Variants in CDK6 observed in about 807,000 individuals in gnomAD.
The protein encoded by CDK6 is cyclin dependent kinase 6.
CDK6 carries 6 observed loss-of-function variants against 37.1 expected under a neutral mutation model. The observed-to-expected ratio is 0.16, with a 90% confidence interval of 0.09 to 0.32. The LOEUF is 0.32. Among genes scored for constraint, CDK6 ranks in the 10% least tolerant of loss-of-function variants. The pLI, the probability that CDK6 is intolerant of heterozygous loss-of-function variation, is 1.00. For synonymous variants in CDK6, 160 were observed against 161.3 expected (o/e 0.99, Z 0.06); for missense variants, 224 against 418.9 (o/e 0.53, Z 4.06).
chr7:92,791,338 A>G (rs1192714189), intron 2 of CDK6, among the ~76,000 whole-genome samples: 16 of 152,218 alleles, frequency 1.1e-4, no homozygotes, highest in Admixed American at 1.0e-3. Flanking sequence ...GAACATTGCC[A>G]ACTAAAGACA....
At chr7:92,796,730 G>A (rs917664807) in intron 2 of CDK6, among the ~76,000 whole-genome samples, 1 of 151,944 alleles carries the variant, frequency 6.6e-6, no homozygotes, top group African/African-American at 2.4e-5. Context: ...TAATCATAGA[G>A]GTAAATAAAC....
intron 4 of CDK6, among the ~76,000 whole-genome samples, chr7:92,707,543 T>C (rs1207941311): frequency 6.6e-6 from 1 of 152,150 alleles, no homozygotes; most frequent in Non-Finnish European, 1.5e-5. Flanking sequence ...TCAGAAACAA[T>C]GTTGCCAAGA....
chr7:92,654,106 T>C (rs1796636514), intron 5 of CDK6, among the ~76,000 whole-genome samples: 1 of 152,176 alleles, frequency 6.6e-6, no homozygotes, highest in South Asian at 2.1e-4. Flanking sequence ...AACTGTGCTA[T>C]ATACTCAGTT....
chr7:92,771,096 C>T (rs1021145447), intron 3 of CDK6, among the ~76,000 whole-genome samples: 2 of 151,338 alleles, frequency 1.3e-5, no homozygotes, highest in African/African-American at 2.4e-5. Flanking sequence ...ATTAGCCATG[C>T]GTGGTGGCCC....
chr7:92,791,791 A>G (rs1457269291), intron 2 of CDK6, among the ~76,000 whole-genome samples: 1 of 152,126 alleles, frequency 6.6e-6, no homozygotes, highest in East Asian at 1.9e-4. Flanking sequence ...GGCAGAAGGA[A>G]CAGCATGTCC....
Position 92,613,904 on chromosome 7 carries a change from G to A in CDK6, c.*1236C>T, listed in dbSNP as rs142806496. ...AGGCCATAAACCATAAGCTGAGACT[G>A]CGAATTTATGAAAGGTTCATTGAAA... On this transcript the variant is annotated 3_prime_UTR_variant, in exon 8 of 8. Transcript: ENST00000424848. 1.7e-5 allele frequency: 4 copies of A among 233,168 alleles called. No individual in the cohort carries two copies. In the East Asian group the frequency reaches 2.4e-4, roughly 14 times the overall value. 14.4% of individuals were successfully genotyped at this position (233,168 alleles called of 1,614,324 possible).
At chr7:92,808,937 C>T (rs1244585695) in intron 2 of CDK6, among the ~76,000 whole-genome samples, 1 of 151,994 alleles carries the variant, frequency 6.6e-6, no homozygotes, top group Non-Finnish European at 1.5e-5. Flanking sequence ...TTTACTTTTG[C>T]TTATTTGGAA....
chr7:92,789,450 A>G (rs781691385), intron 2 of CDK6, among the ~76,000 whole-genome samples: 1 of 152,222 alleles, frequency 6.6e-6, no homozygotes, highest in Non-Finnish European at 1.5e-5. Flanking sequence ...CAGTAATTAT[A>G]AGTCTACGTT....
intron 4 of CDK6, among the ~76,000 whole-genome samples, chr7:92,724,844 T>C (rs1562947737): frequency 6.6e-6 from 1 of 152,110 alleles, no homozygotes; most frequent in African/African-American, 2.4e-5. Flanking sequence ...ATGAATTTAC[T>C]GTATGCAAAA....
intron 2 of CDK6, among the ~76,000 whole-genome samples, chr7:92,805,670 C>T (rs1410836383): frequency 6.6e-6 from 1 of 152,114 alleles, no homozygotes; most frequent in East Asian, 1.9e-4. Flanking sequence ...AACTTCGAAA[C>T]GATTTAAGAA....
At chr7:92,733,219 T>C (rs1798694798) in intron 3 of CDK6, among the ~76,000 whole-genome samples, 1 of 152,162 alleles carries the variant, frequency 6.6e-6, no homozygotes, top group African/African-American at 2.4e-5. Flanking sequence ...GTGGTTATCC[T>C]TTTCTCTTTG....
In CDK6 at chr7:92,611,301, T is replaced by C. The variant is rs557540787; in HGVS notation, c.*3839A>G. 4.5e-6 allele frequency: 1 copy of C among 224,478 alleles called. No individual in the cohort carries two copies. Among genetic ancestry groups the C allele is most frequent in the Non-Finnish European group, 8.8e-6 (1 of 113,432 alleles). The allele number at this position is 224,478 out of a possible 1,614,324, so 13.9% of individuals were successfully genotyped here. On this transcript the variant is annotated 3_prime_UTR_variant, in exon 8 of 8. Coordinates refer to ENST00000424848, the MANE Select transcript of CDK6 (RefSeq NM_001145306.2). The stretch of plus-strand genomic sequence containing the variant: ...TTTTCTTTCCAGGGTAAATATTCTG[T>C]AGTTTCTATACTAACATAATTAAGT...
intron 5 of CDK6, among the ~76,000 whole-genome samples, chr7:92,630,217 C>T (rs979824406): frequency 6.6e-6 from 1 of 152,044 alleles, no homozygotes; most frequent in African/African-American, 2.4e-5. Context: ...ATTTGTCTTT[C>T]TGTGACTAGG....
At chr7:92,793,529 G>C (rs1800332241) in intron 2 of CDK6, among the ~76,000 whole-genome samples, 1 of 152,038 alleles carries the variant, frequency 6.6e-6, no homozygotes, top group Admixed American at 6.6e-5. Context: ...AAATGATGCT[G>C]GGATAACTGG....
intron 4 of CDK6, among the ~76,000 whole-genome samples, chr7:92,690,959 C>G (rs772050682): frequency 5.5e-4 from 83 of 152,126 alleles, no homozygotes; most frequent in Non-Finnish European, 2.2e-4. Flanking sequence ...ATTAACTATA[C>G]TATTTTTATT....
At position 92,611,470 on chromosome 7, in the gene CDK6, T is replaced by C. The variant is rs1795561366; in HGVS notation, c.*3670A>G. Reference sequence around the variant, plus strand: ...TGTCACTTAAAAGAAAAGCAATATTTTAGAAGAATTTTAATATGTTTATGA... The same window carrying C: ...TGTCACTTAAAAGAAAAGCAATATTCTAGAAGAATTTTAATATGTTTATGA... On this transcript the variant is annotated 3_prime_UTR_variant, in exon 8 of 8. Transcript: ENST00000424848. 4.4e-6 allele frequency: 1 copy of C among 227,318 alleles called. No individual in the cohort carries two copies. The allele number at this position is 227,318 out of a possible 1,614,324, so 14.1% of individuals were successfully genotyped here. A position where few individuals can be genotyped will look rare whatever the true frequency, so the allele number is the denominator to read the frequency against.
intron 4 of CDK6, among the ~76,000 whole-genome samples, chr7:92,699,278 G>T (rs1478403252): frequency 6.6e-6 from 1 of 152,172 alleles, no homozygotes; most frequent in Non-Finnish European, 1.5e-5. Flanking sequence ...AAAGTACTAG[G>T]AAGTCCTCTA....
chr7:92,760,191 T>C (rs1799420124), intron 3 of CDK6, among the ~76,000 whole-genome samples: 1 of 152,172 alleles, frequency 6.6e-6, no homozygotes, highest in African/African-American at 2.4e-5. Context: ...TACAATCAAG[T>C]GAAATTTCTC....
intron 2 of CDK6, among the ~76,000 whole-genome samples, chr7:92,807,731 C>A (rs1800764352): frequency 6.6e-6 from 1 of 152,096 alleles, no homozygotes; most frequent in Non-Finnish European, 1.5e-5. Context: ...CAGCAATTGA[C>A]TTCGTGTTTC....
Sources: gnomAD v4.1 joint callset for allele counts (sites outside exome capture counted in the v4.1 genomes callset) on GRCh38, gnomAD v4.1.1 for gene constraint, MANE v1.5 for transcripts, NCBI Gene and HGNC (gene_info 2026-07-23, HGNC 2026-07-21) for gene names.